Variants in AGAP1 observed in about 807,000 individuals in gnomAD.
The protein encoded by AGAP1 is arf-GAP with GTPase, ANK repeat and PH domain-containing protein 1.
A neutral mutation model predicts 105.3 loss-of-function variants in AGAP1; 29 were observed. The observed-to-expected ratio is 0.28, with a 90% CI of 0.21 to 0.38. The LOEUF (loss-of-function observed/expected upper bound fraction) is 0.38. AGAP1 is among the 10% of genes least tolerant of loss of function. The pLI is 1.00. For missense variants in AGAP1, 998 were observed against 1,165.1 expected (o/e 0.86, Z 2.09); for synonymous variants, 509 against 485.9 (o/e 1.05, Z -0.63).
intron 11 of AGAP1, among the ~76,000 whole-genome samples, chr2:235,923,118 C>A (rs1377527032): frequency 6.6e-6 from 1 of 152,182 alleles, no homozygotes; most frequent in South Asian, 2.1e-4. Context: ...AACACTCTTT[C>A]TGAGTTCAGA....
chr2:235,622,993 G>A lies in AGAP1; in HGVS notation c.164-86186G>A, dbSNP rs1946533292. ...GGGAACAAAGTCAACAGCAATGACTGTCGCTGAATCTTAAGTTTATTCTGG... is the reference window on the plus strand; with the variant it reads ...GGGAACAAAGTCAACAGCAATGACTATCGCTGAATCTTAAGTTTATTCTGG... On this transcript the variant is annotated intron_variant, in intron 1 of 17. Transcript: ENST00000304032. The surrounding 1 kb of genome is among the most constrained non-coding windows in gnomAD (Gnocchi z 5.0). 6.8e-6 allele frequency among the ~76,000 whole-genome samples: 1 copy of A among 147,106 alleles called. No homozygotes were observed. The highest frequency in any genetic ancestry group is 1.5e-5 in the Non-Finnish European group (1 of 67,926).
At chr2:235,880,605 T>C (rs1339336134) in intron 9 of AGAP1, among the ~76,000 whole-genome samples, 1 of 151,310 alleles carries the variant, frequency 6.6e-6, no homozygotes, top group African/African-American at 2.4e-5. Context: ...CCAGGCATGG[T>C]GGCATTTGCC....
At chr2:235,717,362 C>G (rs979490738) in intron 2 of AGAP1, among the ~76,000 whole-genome samples, 195 bp from the exon 3 acceptor site, 3 of 152,204 alleles carry the variant, frequency 2.0e-5, no homozygotes, top group Non-Finnish European at 4.4e-5. Context: ...CTGATGAGAA[C>G]GTGAGATGTT....
chr2:236,100,881 A>G (rs1428400886), intron 16 of AGAP1, among the ~76,000 whole-genome samples: 1 of 151,876 alleles, frequency 6.6e-6, no homozygotes, highest in Non-Finnish European at 1.5e-5. Context: ...ACTGTTGTGC[A>G]TTTGTTGGAT....
chr2:235,812,808 A>T (rs1055685385), intron 9 of AGAP1, among the ~76,000 whole-genome samples: 1 of 152,184 alleles, frequency 6.6e-6, no homozygotes, highest in Admixed American at 6.5e-5. Flanking sequence ...CCATTGAGGA[A>T]CCAAGGTGAG....
rs911145418 is a variant in AGAP1 at position 236,050,011 on chromosome 2, C to A, written c.2114+730C>A. On this transcript the variant is annotated intron_variant, in intron 16 of 17. Transcript: ENST00000304032. This position sits in a 1 kb window ranked among gnomAD's most constrained non-coding sequence, Gnocchi z 4.0. ...GTACTTGTCTAAAGCAAGTGGCTTC[C>A]AGGGTTGCTCATTTTCACCCACAAT... Among the ~76,000 whole-genome samples, 3 of 152,110 alleles carry A rather than the reference C, an allele frequency of 2.0e-5. No individual in the cohort carries two copies. Among genetic ancestry groups the A allele is most frequent in the Non-Finnish European group, 2.9e-5 (2 of 68,020 alleles).
intron 12 of AGAP1, among the ~76,000 whole-genome samples, chr2:235,939,996 G>A (rs1029980981): frequency 6.6e-6 from 1 of 152,136 alleles, no homozygotes; most frequent in African/African-American, 2.4e-5. Flanking sequence ...CTACCTGCTC[G>A]GAGGGGAGTT....
chr2:235,990,264 A>G (rs548309715), intron 13 of AGAP1, among the ~76,000 whole-genome samples: 3 of 152,252 alleles, frequency 2.0e-5, no homozygotes, highest in South Asian at 4.2e-4. Flanking sequence ...TAAAGCACCC[A>G]TCTCTCTCCA....
intron 1 of AGAP1, among the ~76,000 whole-genome samples, chr2:235,562,555 C>G (rs1313587091): frequency 6.7e-6 from 1 of 148,166 alleles, no homozygotes; most frequent in Non-Finnish European, 1.5e-5. Flanking sequence ...TTCCGCTGCC[C>G]CATGCTTTCT....
In AGAP1 at chr2:236,044,736, C is replaced by T. The variant is rs961777190; in HGVS notation, c.1891+3895C>T. ...TCGGGTCTCCTTCCCATTGTCGCCT[C>T]TTAGTCCTTCCCTGACCTCCAGGTT... On this transcript the variant is annotated intron_variant, in intron 15 of 17. Coordinates refer to ENST00000304032, the MANE Select transcript of AGAP1 (RefSeq NM_001037131.3). This position sits in a 1 kb window ranked among gnomAD's most constrained non-coding sequence, Gnocchi z 5.7. 1.3e-5 allele frequency among the ~76,000 whole-genome samples: 2 copies of T among 151,332 alleles called. No homozygotes were observed. The highest frequency in any genetic ancestry group is 2.9e-5 in the Non-Finnish European group (2 of 67,968).
Position 236,029,192 on chromosome 2 carries a change from T to G in AGAP1, c.1646-7369T>G, listed in dbSNP as rs535191140. 6.6e-5 allele frequency among the ~76,000 whole-genome samples: 10 copies of G among 152,078 alleles called. No homozygotes were observed. In the East Asian group the frequency reaches 1.2e-3, roughly 18 times the overall value. On this transcript the variant is annotated intron_variant, in intron 13 of 17. Transcript: ENST00000304032. The stretch of plus-strand genomic sequence containing the variant: ...GTATTGTTTTTATTTAGTTTTTTTT[T>G]TTTGTTTACATATTTATCAGTTCAT...
Position 235,845,246 on chromosome 2 carries a change from G to C in AGAP1, c.1050+37915G>C, listed in dbSNP as rs1235622817. On this transcript the variant is annotated intron_variant, in intron 9 of 17. Coordinates refer to ENST00000304032, the MANE Select transcript of AGAP1 (RefSeq NM_001037131.3). The surrounding 1 kb of genome is among the most constrained non-coding windows in gnomAD (Gnocchi z 4.8). ...CACAAAGGCCCAGCAGCAAGTACAG[G>C]GGAGACAGCCAGACCCCTGCACAGG... 1.3e-5 allele frequency among the ~76,000 whole-genome samples: 2 copies of C among 152,130 alleles called. No homozygotes were observed. Among genetic ancestry groups the C allele is most frequent in the East Asian group, 1.9e-4 (1 of 5,186 alleles).
chr2:235,529,952 G>A (rs966021366), intron 1 of AGAP1, among the ~76,000 whole-genome samples: 7 of 152,128 alleles, frequency 4.6e-5, no homozygotes, highest in African/African-American at 1.7e-4. Flanking sequence ...TTAAAATAAG[G>A]CTTGTTGGAG....
chr2:235,583,578 A>C (rs1468749530), intron 1 of AGAP1, among the ~76,000 whole-genome samples: 1 of 138,552 alleles, frequency 7.2e-6, no homozygotes, highest in Admixed American at 7.6e-5. Context: ...TTTTTTTGGT[A>C]AAGATAGGGT....
intron 16 of AGAP1, among the ~76,000 whole-genome samples, chr2:236,075,375 C>G (rs948314861): frequency 3.9e-5 from 6 of 152,092 alleles, no homozygotes; most frequent in African/African-American, 9.7e-5. Context: ...ATCCCCACCC[C>G]CAAGGGCTCC....
intron 9 of AGAP1, among the ~76,000 whole-genome samples, chr2:235,812,093 G>A (rs1178119149): frequency 6.6e-6 from 1 of 152,138 alleles, no homozygotes; most frequent in Non-Finnish European, 1.5e-5. Flanking sequence ...GCGCTGCGGG[G>A]GACCCTCCAT....
intron 1 of AGAP1, among the ~76,000 whole-genome samples, chr2:235,513,523 A>G (rs1274738135): frequency 0.012 from 45 of 3,692 alleles, no homozygotes; most frequent in Non-Finnish European, 0.016. Flanking sequence ...TCCGTCTCAG[A>G]AAAAAAAAAA....
Position 235,845,032 on chromosome 2 carries a change from T to C in AGAP1, c.1050+37701T>C, listed in dbSNP as rs1961309568. 6.6e-6 allele frequency among the ~76,000 whole-genome samples: 1 copy of C among 152,094 alleles called. No homozygotes were observed. The highest frequency in any genetic ancestry group is 6.5e-5 in the Admixed American group (1 of 15,284). ...TCCTTGTCCCCAGGACCTAGTGGGGTCCCGGCCCAGCAGTGGGGCTCCACA... is the reference window on the plus strand; with the variant it reads ...TCCTTGTCCCCAGGACCTAGTGGGGCCCCGGCCCAGCAGTGGGGCTCCACA... On this transcript the variant is annotated intron_variant, in intron 9 of 17. Transcript: ENST00000304032. The surrounding 1 kb of genome is among the most constrained non-coding windows in gnomAD (Gnocchi z 4.8).
Position 235,553,528 on chromosome 2 carries a change from A to G in AGAP1, c.163+58679A>G, listed in dbSNP as rs999379168. On this transcript the variant is annotated intron_variant, in intron 1 of 17. Coordinates refer to ENST00000304032, the MANE Select transcript of AGAP1 (RefSeq NM_001037131.3). The surrounding 1 kb of genome is among the most constrained non-coding windows in gnomAD (Gnocchi z 4.5). ...GTAAACAATTGCTTCTGCTAGAATCATCATTGTCAATATTAAGAAGGCGAG... is the reference window on the plus strand; with the variant it reads ...GTAAACAATTGCTTCTGCTAGAATCGTCATTGTCAATATTAAGAAGGCGAG... Among the ~76,000 whole-genome samples the G allele has an allele frequency of 2.0e-5, 3 of 152,132 alleles. No homozygotes were observed. Among genetic ancestry groups the G allele is most frequent in the Admixed American group, 2.0e-4 (3 of 15,264 alleles).
Sources: gnomAD v4.1 joint callset for allele counts (sites outside exome capture counted in the v4.1 genomes callset) on GRCh38, gnomAD v4.1.1 for gene constraint, Gnocchi (gnomAD v3.1) non-coding constraint, MANE v1.5 for transcripts, NCBI Gene and HGNC (gene_info 2026-07-23, HGNC 2026-07-21) for gene names.